MARCHF7: variants seen among roughly 807,000 people sequenced by gnomAD.
MARCHF7 encodes membrane associated ring-CH-type finger 7.
MARCHF7 carries 20 observed loss-of-function variants against 76.5 expected under a neutral mutation model. The ratio of observed to expected loss-of-function variants is 0.26; its 90% CI spans 0.18 to 0.38. MARCHF7 has a LOEUF of 0.38. MARCHF7 is among the 10% of genes least tolerant of loss of function. The pLI, the probability that MARCHF7 is intolerant of heterozygous loss-of-function variation, is 1.00. For missense variants in MARCHF7, 797 were observed against 812.9 expected, an observed-to-expected ratio of 0.98 and a Z score of 0.24; for synonymous variants, 295 against 293.0, an observed-to-expected ratio of 1.01 and a Z score of -0.07.
At chr2:159,758,488 C>T (rs921471337) in intron 8 of MARCHF7, among the ~76,000 whole-genome samples, 1 of 152,196 alleles carries the variant, frequency 6.6e-6, no homozygotes, top group African/African-American at 2.4e-5. Context: ...GCAGTAACTC[C>T]TTACTTCCTA....
Position 159,768,137 on chromosome 2 carries a change from A to G in MARCHF7, c.*795A>G, listed in dbSNP as rs1707988037. ...AATCTCAAGTTAATGGAATATTTTT[A>G]AATCCCACATTCAGAGTTTAAAACA... On this transcript the variant is annotated 3_prime_UTR_variant, in exon 12 of 12. Transcript: ENST00000409175. 1 of 152,604 alleles carries G rather than the reference A, an allele frequency of 6.6e-6. No homozygotes were observed. Among genetic ancestry groups the G allele is most frequent in the Non-Finnish European group, 1.5e-5 (1 of 67,998 alleles). 9.5% of individuals were successfully genotyped at this position (152,604 alleles called of 1,614,324 possible).
At chr2:159,763,119 TAAAAA>T (rs1707313610) in intron 10 of MARCHF7, 126 bp downstream of exon 10, 2 of 487,660 alleles carry the variant, frequency 4.1e-6, no homozygotes, top group African/African-American at 2.0e-5. Flanking sequence ...AAATGTTTCT[TAAAAA>T]TAAAGATACC....
intron 10 of MARCHF7, 53 bp from the exon 11 acceptor site, chr2:159,764,573 T>C (rs1707534429): frequency 1.4e-6 from 2 of 1,385,304 alleles, no homozygotes; most frequent in African/African-American, 1.5e-5. Context: ...ATTCTCTCTT[T>C]AGATCCATTT....
chr2:159,741,922 G>A (rs1704173616), intron 4 of MARCHF7, among the ~76,000 whole-genome samples: 1 of 152,104 alleles, frequency 6.6e-6, no homozygotes. Context: ...CTGTGTGTGT[G>A]TGTCCAGATA....
intron 3 of MARCHF7, among the ~76,000 whole-genome samples, chr2:159,718,028 G>T (rs1240033223): frequency 2.0e-5 from 3 of 152,218 alleles, no homozygotes; most frequent in Non-Finnish European, 4.4e-5. Flanking sequence ...AAACCTTCAT[G>T]CTGATGGTAT....
intron 4 of MARCHF7, among the ~76,000 whole-genome samples, chr2:159,742,008 C>CA (rs1003928127): frequency 6.6e-6 from 1 of 152,034 alleles, no homozygotes; most frequent in Non-Finnish European, 1.5e-5. Flanking sequence ...AATATGTTGT[C>CA]AATTAAACCT....
Position 159,745,785 on chromosome 2 carries a change from A to T in MARCHF7, c.362A>T (p.His121Leu), listed in dbSNP as rs748106610. The change falls in exon 6 of 12, where the codon CAT becomes CTT. Residue 121 changes from histidine (H) to leucine (L), a missense_variant. This residue lies in a region of MARCHF7 where 643 missense variants were observed against 631.5 expected (regional missense o/e 1.02). Transcript: ENST00000409175. The stretch of plus-strand genomic sequence containing the variant: ...TTATTTTAAGATTCATCTTGGAGGC[A>T]TAGTCAAGTTCCTAGATCTTCATCA... The part of the protein sequence containing the change: ...LNTLSDSSWR[H>L]SQVPRSSSMV... 1 of 1,601,634 alleles carries T rather than the reference A, an allele frequency of 6.2e-7. No homozygotes were observed. Among genetic ancestry groups the T allele is most frequent in the South Asian group, 1.1e-5 (1 of 87,808 alleles).
rs1383130845 is a variant in MARCHF7 at position 159,748,168 on chromosome 2, CT to C, written c.886del (p.Ser296HisfsTer9). ...CGCATAGCTTCTAGCATGTCATCTACTTTTTTTTCACGAAGATCTAGTCAGG... is the reference window on the plus strand; with the variant it reads ...CGCATAGCTTCTAGCATGTCATCTACTTTTTTTCACGAAGATCTAGTCAGG... ...LSRIASSMSS[T>X]FFSRRSSQDS... On this transcript the variant is annotated frameshift_variant, in exon 7 of 12. Coordinates refer to ENST00000409175, the MANE Select transcript of MARCHF7 (RefSeq NM_001282805.2). LOFTEE classifies it high-confidence loss of function. The C allele has an allele frequency of 2.5e-6, 4 of 1,612,206 alleles. No homozygotes were observed. The highest frequency in any genetic ancestry group is 2.2e-5 in the South Asian group (2 of 90,692).
At chr2:159,750,262 T>A (rs938491267) in intron 7 of MARCHF7, among the ~76,000 whole-genome samples, 1 of 152,172 alleles carries the variant, frequency 6.6e-6, no homozygotes, top group African/African-American at 2.4e-5. Flanking sequence ...GCGCAGTGGT[T>A]CACGCTGTAA....
Position 159,767,477 on chromosome 2 carries a change from GTATGCC to G in MARCHF7, c.*137_*142del. 9 of 566,078 alleles carry G rather than the reference GTATGCC, an allele frequency of 1.6e-5. No individual in the cohort carries two copies. The highest frequency in any genetic ancestry group is 2.5e-5 in the Non-Finnish European group (8 of 325,418). 35.1% of individuals were successfully genotyped at this position (566,078 alleles called of 1,614,324 possible). On this transcript the variant is annotated 3_prime_UTR_variant, in exon 12 of 12. Transcript: ENST00000409175. ...ATAAAATGAATATATACATACACATGTATGCCTGTATATATATATTCATTCTCCAGT... is the reference window on the plus strand; with the variant it reads ...ATAAAATGAATATATACATACACATGTGTATATATATATTCATTCTCCAGT...
intron 3 of MARCHF7, among the ~76,000 whole-genome samples, chr2:159,727,828 A>G (rs1356254354): frequency 1.3e-5 from 2 of 152,228 alleles, no homozygotes. Flanking sequence ...TACTTATTGT[A>G]TGATTCCGTT....
chr2:159,722,878 C>T (rs77767390), intron 3 of MARCHF7, among the ~76,000 whole-genome samples: 4,351 of 152,226 alleles, frequency 0.029, 230 homozygotes, highest in African/African-American at 0.1. Flanking sequence ...TTTGCCTTCT[C>T]CCAAGGAGGT....
intron 9 of MARCHF7, among the ~76,000 whole-genome samples, chr2:159,761,406 CT>C (rs747902045): frequency 3.7e-3 from 269 of 73,690 alleles, no homozygotes; most frequent in Non-Finnish European, 4.9e-3. Flanking sequence ...TGAATCATTT[CT>C]TTTTTTTTTT....
intron 11 of MARCHF7, among the ~76,000 whole-genome samples, chr2:159,765,038 A>G (rs1264350173): frequency 6.6e-6 from 1 of 152,110 alleles, no homozygotes; most frequent in East Asian, 1.9e-4. Flanking sequence ...GTTTCTGGTA[A>G]GAAATTTTAC....
chr2:159,764,255 T>TGTGTGTGTGTGTGTGCGC (rs10592175), intron 10 of MARCHF7, among the ~76,000 whole-genome samples: 41 of 131,368 alleles, frequency 3.1e-4, no homozygotes, highest in African/African-American at 1.2e-3. Flanking sequence ...TGTGTGTGTG[T>TGTGTGTGTGTGTGTGCGC]GCGCGCGCCC....
At chr2:159,744,303 A>G (rs1704573333) in intron 5 of MARCHF7, among the ~76,000 whole-genome samples, 1 of 152,120 alleles carries the variant, frequency 6.6e-6, no homozygotes, top group Non-Finnish European at 1.5e-5. Context: ...GGAGTTCTAT[A>G]CAAGGGATTA....
In MARCHF7 at chr2:159,768,426, T is replaced by A. The variant is rs1409727217; in HGVS notation, c.*1084T>A. The A allele has an allele frequency of 6.6e-6, 1 of 152,592 alleles. No individual in the cohort carries two copies. The highest frequency in any genetic ancestry group is 1.9e-4 in the East Asian group (1 of 5,204). The allele number at this position is 152,592 out of a possible 1,614,324, so 9.5% of individuals were successfully genotyped here. A position where few individuals can be genotyped will look rare whatever the true frequency, so the allele number is the denominator to read the frequency against. ...CCCTTAGGATACACTTTAAAACACC[T>A]TAAGGTCTGATGTTATGGCAACAAA... On this transcript the variant is annotated 3_prime_UTR_variant, in exon 12 of 12. Transcript: ENST00000409175.
At chr2:159,764,752 C>T (rs781729028) in intron 11 of MARCHF7, 78 bp downstream of exon 11, 31 of 1,057,268 alleles carry the variant, frequency 2.9e-5, no homozygotes, top group Non-Finnish European at 4.0e-5. Context: ...TAAGTATATA[C>T]TCTGTTCTGC....
intron 4 of MARCHF7, among the ~76,000 whole-genome samples, chr2:159,729,551 T>A (rs1702543699): frequency 6.6e-6 from 1 of 151,954 alleles, no homozygotes; most frequent in Non-Finnish European, 1.5e-5. Context: ...CACACACCTG[T>A]AATCCCAGCT....
Sources: gnomAD v4.1 joint callset for allele counts (sites outside exome capture counted in the v4.1 genomes callset) on GRCh38, gnomAD v4.1.1 for gene constraint, gnomAD v4.1.1 regional missense constraint, MANE v1.5 for transcripts, NCBI Gene and HGNC (gene_info 2026-07-23, HGNC 2026-07-21) for gene names.